Variants in MACF1 observed in about 807,000 individuals in gnomAD.
The protein encoded by MACF1 is microtubule-actin cross-linking factor 1.
In MACF1, 193 loss-of-function variants were observed where a neutral mutation model predicts 854.8. The ratio of observed to expected loss-of-function variants is 0.23; its 90% confidence interval spans 0.20 to 0.25. The LOEUF (loss-of-function observed/expected upper bound fraction) is 0.25, where lower values mean the gene tolerates loss of function less well. Ranked by LOEUF, MACF1 falls within the 10% of genes least tolerant of loss-of-function variation. The pLI, the probability that MACF1 is intolerant of heterozygous loss-of-function variation, is 1.00. For missense variants in MACF1, 7,722 were observed against 8,929.1 expected (o/e 0.86, Z 5.45); for synonymous variants, 3,185 against 3,226.7 (o/e 0.99, Z 0.44).
intron 1 of MACF1, among the ~76,000 whole-genome samples, chr1:39,219,075 C>T (rs1431697982): frequency 6.6e-6 from 1 of 152,164 alleles, no homozygotes; most frequent in East Asian, 1.9e-4. Context: ...GCCATCACAC[C>T]CGGCAGAAAT....
intron 2 of MACF1, among the ~76,000 whole-genome samples, chr1:39,165,319 T>G (rs1378401657): frequency 1.3e-5 from 2 of 152,164 alleles, no homozygotes; most frequent in Non-Finnish European, 2.9e-5. Context: ...TGTCAACACC[T>G]TTTACAGCAC....
intron 31 of MACF1, 36 bp from the exon 32 acceptor site, chr1:39,322,572 C>T (rs1468443589): frequency 6.6e-7 from 1 of 1,511,498 alleles, no homozygotes; most frequent in South Asian, 1.1e-5. Context: ...AATTATAAAA[C>T]CCTGAGTAAC....
rs57125297 is a variant in MACF1 at position 39,403,078 on chromosome 1, G to GTTGTT, written c.15816+14454_15816+14458dup. 7.0e-3 allele frequency among the ~76,000 whole-genome samples: 1,018 copies of GTTGTT among 145,874 alleles called. 13 individuals are homozygous for GTTGTT. The highest frequency in any genetic ancestry group is 0.034 in the South Asian group (156 of 4,624). On this transcript the variant is annotated intron_variant, in intron 58 of 100. Coordinates refer to ENST00000564288, the MANE Select transcript of MACF1 (RefSeq NM_001394062.1). ...TTTGGTTTGGTTTTTTTTTTGTTTG[G>GTTGTT]TTGTTTTGTTTTGTTTTGTTTTGTT... is the stretch of plus-strand genomic sequence containing the variant.
chr1:39,107,289 G>A (rs935756003), intron 2 of MACF1, among the ~76,000 whole-genome samples: 1 of 152,052 alleles, frequency 6.6e-6, no homozygotes, highest in African/African-American at 2.4e-5. Flanking sequence ...GAAAGAAGGG[G>A]GCAGTAGGGC....
intron 69 of MACF1, 147 bp from the exon 70 acceptor site, chr1:39,435,411 C>T (rs542029926): frequency 6.1e-6 from 4 of 658,714 alleles, no homozygotes; most frequent in Non-Finnish European, 1.0e-5. Flanking sequence ...TTTTCTGTTC[C>T]CACACAAATG....
chr1:39,302,255 T>G (rs531073910), intron 22 of MACF1, among the ~76,000 whole-genome samples: 4 of 152,266 alleles, frequency 2.6e-5, no homozygotes, highest in African/African-American at 9.6e-5. Context: ...ACCTTAGCCT[T>G]CAGAAGTGCT....
At position 39,335,886 on chromosome 1, in the gene MACF1, G is replaced by C. The variant is rs773234964; in HGVS notation, c.9298G>C (p.Glu3100Gln). 2 of 1,613,964 alleles carry C rather than the reference G, an allele frequency of 1.2e-6. No individual in the cohort carries two copies. The highest frequency in any genetic ancestry group is 1.7e-6 in the Non-Finnish European group (2 of 1,180,012). The change falls in exon 37 of 101, where the codon GAA becomes CAA. Residue 3100 changes from glutamate to glutamine, a missense_variant. Physicochemically the swap from Glu to Gln is conservative, Grantham distance 29 (BLOSUM62 2). Transcript: ENST00000564288. ...SREIACGAQS[E>Q]PFPCMTPRPE... ...AGAAATTGCCTGTGGGGCCCAGAGTGAACCATTCCCTTGTATGACCCCAAG... is the reference window on the plus strand; with the variant it reads ...AGAAATTGCCTGTGGGGCCCAGAGTCAACCATTCCCTTGTATGACCCCAAG...
In MACF1 at chr1:39,455,686, A is replaced by G. The variant is rs145870741; in HGVS notation, c.21075+589A>G. Among the ~76,000 whole-genome samples, 1,137 of 152,186 alleles carry G rather than the reference A, an allele frequency of 7.5e-3. 15 individuals are homozygous for G. The highest frequency in any genetic ancestry group is 0.025 in the African/African-American group (1,053 of 41,494). On this transcript the variant is annotated intron_variant, in intron 89 of 100. Transcript: ENST00000564288. ...AGTCTGCCTGCCACAGCCTGTTTTT[A>G]TTGACCATCATTTGAGCCAGGGTCC...
intron 35 of MACF1, among the ~76,000 whole-genome samples, chr1:39,326,344 A>G (rs925834799): frequency 2.6e-5 from 4 of 152,196 alleles, no homozygotes; most frequent in African/African-American, 4.8e-5. Context: ...TGACAAATAT[A>G]CAGTGGGCTT....
chr1:39,381,249 G>A lies in MACF1; in HGVS notation c.13649-704G>A, dbSNP rs932359601. On this transcript the variant is annotated intron_variant, in intron 55 of 100. Transcript: ENST00000564288. ...ATTTTGTATTTTTAGTAGAGAGGGG[G>A]TTTCTCCATGTTGGTCAGGCTGGTC... Among the ~76,000 whole-genome samples the A allele has an allele frequency of 6.6e-5, 10 of 151,300 alleles. No individual in the cohort carries two copies. The East Asian group carries it at 2.0e-3, about 30-fold the overall frequency.
chr1:39,252,094 A>G (rs1645046455), intron 4 of MACF1, among the ~76,000 whole-genome samples, 153 bp downstream of exon 4: 1 of 152,238 alleles, frequency 6.6e-6, no homozygotes, highest in Non-Finnish European at 1.5e-5. Flanking sequence ...GAAAGTAGTT[A>G]AAACTAATTG....
chr1:39,247,462 C>T (rs1328646381), intron 2 of MACF1, among the ~76,000 whole-genome samples: 1 of 152,074 alleles, frequency 6.6e-6, no homozygotes, highest in Non-Finnish European at 1.5e-5. Flanking sequence ...CTGTTCATTT[C>T]ATAATTGTTT....
At chr1:39,275,078 A>G (rs577993090) in intron 6 of MACF1, among the ~76,000 whole-genome samples, 76 of 144,560 alleles carry the variant, frequency 5.3e-4, no homozygotes, top group African/African-American at 1.8e-3. Context: ...ACAATAAGAT[A>G]CTTTTTTTTT....
At chr1:39,326,556 G>A (rs563332046) in intron 35 of MACF1, among the ~76,000 whole-genome samples, 4 of 151,330 alleles carry the variant, frequency 2.6e-5, no homozygotes, top group Admixed American at 1.3e-4. Context: ...TGGCGGGCAC[G>A]TGTAATCCCA....
chr1:39,125,413 A>T (rs1480356932), intron 2 of MACF1, among the ~76,000 whole-genome samples: 1 of 152,150 alleles, frequency 6.6e-6, no homozygotes, highest in Non-Finnish European at 1.5e-5. Context: ...CCTTGCAGGG[A>T]TATTGTGAGG....
intron 2 of MACF1, among the ~76,000 whole-genome samples, chr1:39,199,439 T>A (rs1411744438): frequency 3.9e-5 from 6 of 151,978 alleles, no homozygotes; most frequent in Admixed American, 3.9e-4. Context: ...TCCATGAGTT[T>A]GAGACCAACC....
At chr1:39,104,535 C>G (rs1642170574) in intron 2 of MACF1, among the ~76,000 whole-genome samples, 1 of 152,198 alleles carries the variant, frequency 6.6e-6, no homozygotes, top group Non-Finnish European at 1.5e-5. Context: ...CCCTTTTGAT[C>G]TCTGTCTCTC....
chr1:39,421,710 A>G (rs530730487), intron 58 of MACF1, among the ~76,000 whole-genome samples: 28 of 152,342 alleles, frequency 1.8e-4, no homozygotes, highest in Non-Finnish European at 3.7e-4. Context: ...TAGGATTCAT[A>G]TACATTGCGC....
At chr1:39,311,432 C>T (rs1232535678) in intron 26 of MACF1, among the ~76,000 whole-genome samples, 2 of 152,144 alleles carry the variant, frequency 1.3e-5, no homozygotes, top group Non-Finnish European at 2.9e-5. Flanking sequence ...TGACTTTGAG[C>T]AAGTGAGCTC....
Sources: gnomAD v4.1 joint callset for allele counts (sites outside exome capture counted in the v4.1 genomes callset) on GRCh38, gnomAD v4.1.1 for gene constraint, MANE v1.5 for transcripts, NCBI Gene and HGNC (gene_info 2026-07-23, HGNC 2026-07-21) for gene names.